Variants in CAAP1 observed in about 807,000 individuals in gnomAD.
CAAP1 encodes the protein conserved anti-apoptotic protein.
In CAAP1, 20 loss-of-function variants were observed where a neutral mutation model predicts 34.0. The ratio of observed to expected loss-of-function variants is 0.59; its 90% CI spans 0.41 to 0.86. CAAP1 has a LOEUF of 0.86. Ranked by LOEUF, CAAP1 falls within the 40% of genes least tolerant of loss-of-function variation. The probability of loss-of-function intolerance (pLI) is 0.00; values close to 1 mark genes in which losing one functional copy is unlikely to be tolerated. For synonymous variants in CAAP1, 213 were observed against 166.7 expected, an observed-to-expected ratio of 1.28 and a Z score of -2.14; for missense variants, 538 against 450.5, an observed-to-expected ratio of 1.19 and a Z score of -1.76.
At position 26,844,318 on chromosome 9, in the gene CAAP1, T is replaced by C. The variant is rs111591522; in HGVS notation, c.740-1671A>G. 1.8e-3 allele frequency among the ~76,000 whole-genome samples: 280 copies of C among 152,138 alleles called. 3 individuals carry two copies. The highest frequency in any genetic ancestry group is 6.4e-3 in the African/African-American group (264 of 41,516). On this transcript the variant is annotated intron_variant, in intron 5 of 5. Transcript: ENST00000333916. ...GTTGTGGTGAGCCAAGATCGTGCCA[T>C]TGCACTCCAGCCTGGGCAATAAGGG...
At chr9:26,877,878 A>AT (rs1005788146) in intron 4 of CAAP1, among the ~76,000 whole-genome samples, 1 of 150,926 alleles carries the variant, frequency 6.6e-6, no homozygotes, top group Non-Finnish European at 1.5e-5. Flanking sequence ...CACAGGAAAA[A>AT]TTTCCTATAT....
At chr9:26,889,198 C>T (rs1823836598) in intron 1 of CAAP1, among the ~76,000 whole-genome samples, 2 of 151,938 alleles carry the variant, frequency 1.3e-5, no homozygotes, top group South Asian at 4.2e-4. Context: ...GAACGGATCA[C>T]CTGAGGTCAG....
intron 4 of CAAP1, among the ~76,000 whole-genome samples, chr9:26,874,952 A>G (rs973226648): frequency 6.6e-5 from 10 of 152,222 alleles, no homozygotes; most frequent in Admixed American, 6.5e-4. Flanking sequence ...GCTTGTTCAT[A>G]AACACTTGTG....
chr9:26,842,329 T>C lies in CAAP1; in HGVS notation c.1058A>G (p.Lys353Arg). The C allele has an allele frequency of 6.3e-7, 1 of 1,584,734 alleles. No individual in the cohort carries two copies. The highest frequency in any genetic ancestry group is 8.6e-7 in the Non-Finnish European group (1 of 1,167,426). Reference sequence around the variant, plus strand: ...GGCTGGCTTTTTTATATCACCAGCTTTCATTAGGGCTTTAATCGCTCTTGC... The same window carrying C: ...GGCTGGCTTTTTTATATCACCAGCTCTCATTAGGGCTTTAATCGCTCTTGC... ...MRARAIKALM[K>R]AGDIKKPA The change falls in exon 6 of 6, where the codon AAA becomes AGA. Residue 353 changes from lysine (K) to arginine (R), a missense_variant. By Grantham distance (26) the Lys-to-Arg change is conservative (BLOSUM62 2). Around this residue, in one of 3 missense-constraint regions of CAAP1, gnomAD observed 18 missense variants for 22.3 expected, o/e 0.81. Coordinates refer to ENST00000333916, the MANE Select transcript of CAAP1 (RefSeq NM_024828.4).
chr9:26,864,305 T>G (rs1823077008), intron 4 of CAAP1, among the ~76,000 whole-genome samples: 1 of 152,118 alleles, frequency 6.6e-6, no homozygotes, highest in Non-Finnish European at 1.5e-5. Context: ...TCTGTGGAAC[T>G]TAATAAAGAA....
chr9:26,852,919 C>G (rs955134872), intron 5 of CAAP1, among the ~76,000 whole-genome samples: 4 of 152,156 alleles, frequency 2.6e-5, no homozygotes, highest in African/African-American at 9.7e-5. Context: ...GCAGAAGGAA[C>G]AGCAAAAGCA....
Position 26,884,805 on chromosome 9 carries a change from C to A in CAAP1, c.665+5G>T. 1 of 1,598,786 alleles carries A rather than the reference C, an allele frequency of 6.3e-7. No homozygotes were observed. The highest frequency in any genetic ancestry group is 8.5e-7 in the Non-Finnish European group (1 of 1,172,606). On this transcript the variant is annotated splice_donor_5th_base_variant and intron_variant, in intron 4 of 5. Transcript: ENST00000333916. ...TGAAATAAAAATGAAAGTTTTTAAACTTACTGACTGACTAAATCAGATCCC... is the reference window on the plus strand; with the variant it reads ...TGAAATAAAAATGAAAGTTTTTAAAATTACTGACTGACTAAATCAGATCCC...
chr9:26,857,326 T>G (rs1822893294), intron 5 of CAAP1, among the ~76,000 whole-genome samples: 1 of 152,200 alleles, frequency 6.6e-6, no homozygotes, highest in African/African-American at 2.4e-5. Context: ...CTGAGTGAAA[T>G]GAATGATTTA....
rs1823250268 is a variant in CAAP1 at position 26,870,586 on chromosome 9, ACGTG to A, written c.666-9451_666-9448del. ...CACACGTATAAATACACACATATATACGTGTGTGTGTGTGTGTGTGTGTGTATAC... is the reference window on the plus strand; with the variant it reads ...CACACGTATAAATACACACATATATATGTGTGTGTGTGTGTGTGTGTATAC... On this transcript the variant is annotated intron_variant, in intron 4 of 5. Coordinates refer to ENST00000333916, the MANE Select transcript of CAAP1 (RefSeq NM_024828.4). 5.0e-5 allele frequency among the ~76,000 whole-genome samples: 6 copies of A among 118,928 alleles called. No homozygotes were observed. The South Asian group carries it at 1.6e-3, about 32-fold the overall frequency. The allele number at this position is 118,928 out of a possible 152,430, so 78.0% of individuals were successfully genotyped here.
At chr9:26,845,040 T>C (rs1822566040) in intron 5 of CAAP1, among the ~76,000 whole-genome samples, 3 of 152,242 alleles carry the variant, frequency 2.0e-5, no homozygotes, top group Admixed American at 2.0e-4. Context: ...CCTGCTCAAA[T>C]GGTACCTTAT....
At chr9:26,854,187 A>G (rs571045212) in intron 5 of CAAP1, among the ~76,000 whole-genome samples, 7 of 152,348 alleles carry the variant, frequency 4.6e-5, no homozygotes, top group East Asian at 3.9e-4. Flanking sequence ...TGAGCATTTA[A>G]TATCTACTAA....
At chr9:26,857,459 C>G (rs1237386189) in intron 5 of CAAP1, among the ~76,000 whole-genome samples, 1 of 152,124 alleles carries the variant, frequency 6.6e-6, no homozygotes, top group Non-Finnish European at 1.5e-5. Flanking sequence ...TGGTAAAACC[C>G]CATCTCTACT....
At chr9:26,890,350 G>C (rs1473770463) in intron 1 of CAAP1, among the ~76,000 whole-genome samples, 1 of 149,816 alleles carries the variant, frequency 6.7e-6, no homozygotes, top group Non-Finnish European at 1.5e-5. Flanking sequence ...CAGCCTGGGC[G>C]ACACAGTGAG....
chr9:26,887,765 G>C (rs1303900362), intron 1 of CAAP1, among the ~76,000 whole-genome samples: 1 of 152,092 alleles, frequency 6.6e-6, no homozygotes, highest in Non-Finnish European at 1.5e-5. Context: ...CAAAAGTATA[G>C]TAAATATTGA....
chr9:26,892,579 G>A lies in CAAP1; in HGVS notation c.137C>T (p.Ala46Val), dbSNP rs774905644. The stretch of plus-strand genomic sequence containing the variant: ...GCAGCTGACGCTCCCGCAGCCCCCG[G>A]CGCTCCCGCAGCCGCTAGTGCTTCC... The part of the protein sequence containing the change: ...SSGSTSGCGS[A>V]GGCGSVSCCG... Residue 46 changes from alanine to valine, a missense_variant, in exon 1 of 6, where the codon GCC (alanine) becomes GTC (valine). Physicochemically the swap from Ala to Val is moderately conservative, Grantham distance 64 (BLOSUM62 0). Around this residue, in one of 3 missense-constraint regions of CAAP1, gnomAD observed 514 missense variants for 408.4 expected, o/e 1.26. Coordinates refer to ENST00000333916, the MANE Select transcript of CAAP1 (RefSeq NM_024828.4). 15 of 1,596,372 alleles carry A rather than the reference G, an allele frequency of 9.4e-6. No individual in the cohort carries two copies. The East Asian group carries it at 2.0e-4, about 22-fold the overall frequency.
At chr9:26,862,826 T>C (rs549188099) in intron 4 of CAAP1, among the ~76,000 whole-genome samples, 42 of 152,284 alleles carry the variant, frequency 2.8e-4, no homozygotes, top group South Asian at 2.1e-3. Context: ...TACTCTGTTA[T>C]GGTTACATAA....
intron 1 of CAAP1, among the ~76,000 whole-genome samples, chr9:26,890,196 C>A (rs1823865503): frequency 6.6e-6 from 1 of 151,680 alleles, no homozygotes; most frequent in East Asian, 1.9e-4. Context: ...ATGGTGAAAA[C>A]CTTACCTCTA....
intron 5 of CAAP1, among the ~76,000 whole-genome samples, chr9:26,849,355 TG>T (rs1422740803): frequency 3.9e-5 from 6 of 152,246 alleles, no homozygotes; most frequent in Admixed American, 2.6e-4. Flanking sequence ...CTAAATGGTA[TG>T]TAGTATTTCA....
At chr9:26,865,063 A>G (rs545658109) in intron 4 of CAAP1, among the ~76,000 whole-genome samples, 3 of 152,196 alleles carry the variant, frequency 2.0e-5, no homozygotes, top group Non-Finnish European at 4.4e-5. Context: ...TGTCTAAGAG[A>G]ATTGAATTTA....
Sources: allele counts gnomAD v4.1 joint callset (sites outside exome capture counted in the v4.1 genomes callset), GRCh38; gene constraint gnomAD v4.1.1; regional missense constraint gnomAD v4.1.1; transcripts MANE v1.5; gene names NCBI Gene and HGNC (gene_info 2026-07-23, HGNC 2026-07-21).